Variants in CYP2B6 observed in about 807,000 individuals in gnomAD.
The protein encoded by CYP2B6 is cytochrome P450 family 2 subfamily B member 6.
Under a neutral mutation model 43.4 loss-of-function variants are expected in CYP2B6, and 35 were observed. The ratio of observed to expected loss-of-function variants is 0.81; its 90% CI spans 0.62 to 1.07. CYP2B6 has a LOEUF of 1.07. CYP2B6 is among the 50% of genes least tolerant of loss of function. The pLI is 0.00. For synonymous variants in CYP2B6, 239 were observed against 239.2 expected (o/e 1.00, Z 0.01); for missense variants, 624 against 632.8 (o/e 0.99, Z 0.15).
Position 41,010,278 on chromosome 19 carries a change from C to T in CYP2B6, c.964+143C>T, listed in dbSNP as rs186924306. ...TGTAGGCTCTGGGCTAGATTCCAAC[C>T]AAGCCAATTCTGTTGGTGGATGCAT... On this transcript the variant is annotated intron_variant, in intron 6 of 8. Transcript: ENST00000324071. 30 of 925,656 alleles carry T rather than the reference C, an allele frequency of 3.2e-5. No homozygotes were observed. The African/African-American group carries it at 4.1e-4, about 13-fold the overall frequency. 57.3% of individuals were successfully genotyped at this position (925,656 alleles called of 1,614,324 possible). A position where few individuals can be genotyped will look rare whatever the true frequency, so the allele number is the denominator to read the frequency against.
chr19:41,003,939 T>C (rs939968536), intron 1 of CYP2B6, 62 bp from the exon 2 acceptor site: 7 of 1,575,616 alleles, frequency 4.4e-6, no homozygotes, highest in Admixed American at 1.7e-5. Context: ...AGTATTTTGA[T>C]AGTTTTACAA....
At chr19:40,999,614 CA>C (rs1969050750) in intron 1 of CYP2B6, among the ~76,000 whole-genome samples, 1 of 152,036 alleles carries the variant, frequency 6.6e-6, no homozygotes, top group South Asian at 2.1e-4. Flanking sequence ...AATGAGTTTT[CA>C]AAAGGATCTT....
At chr19:40,996,678 A>T (rs904471640) in intron 1 of CYP2B6, among the ~76,000 whole-genome samples, 1 of 152,166 alleles carries the variant, frequency 6.6e-6, no homozygotes, top group Non-Finnish European at 1.5e-5. Context: ...TCTCTCTTCT[A>T]TGATGAGTCA....
chr19:41,003,616 C>G lies in CYP2B6; in HGVS notation c.172-385C>G, dbSNP rs553859497. Among the ~76,000 whole-genome samples the G allele has an allele frequency of 2.6e-3, 397 of 152,242 alleles. 1 individual carries two copies. The highest frequency in any genetic ancestry group is 4.3e-3 in the Non-Finnish European group (293 of 68,028). On this transcript the variant is annotated intron_variant, in intron 1 of 8. Transcript: ENST00000324071. ...AGGGCACAAGCCAATCAGAGCAGAC[C>G]CTGGCTGGGCCACCCATTAACCTAA... is the stretch of plus-strand genomic sequence containing the variant.
intron 4 of CYP2B6, among the ~76,000 whole-genome samples, chr19:41,008,076 C>T (rs1343317987): frequency 6.6e-6 from 1 of 151,838 alleles, no homozygotes; most frequent in Non-Finnish European, 1.5e-5. Flanking sequence ...TAACTTTCCC[C>T]AGATTGTAAA....
In CYP2B6 at chr19:41,016,696, T is replaced by G. The variant is rs1229063094; in HGVS notation, c.1345T>G (p.Phe449Val). The stretch of plus-strand genomic sequence containing the variant: ...CATCGCCCGTGCGGAATTGTTCCTC[T>G]TCTTCACCACCATCCTCCAGAACTT... ...EGIARAELFL[F>V]FTTILQNFSM... Residue 449 changes from phenylalanine to valine, a missense_variant, in exon 9 of 9, where the codon TTC (phenylalanine) becomes GTC (valine). Phe to Val is a conservative substitution (Grantham distance 50). Coordinates refer to ENST00000324071, the MANE Select transcript of CYP2B6 (RefSeq NM_000767.5). 1 of 1,614,228 alleles carries G rather than the reference T, an allele frequency of 6.2e-7. No individual in the cohort carries two copies. The highest frequency in any genetic ancestry group is 1.7e-5 in the Admixed American group (1 of 60,034).
chr19:41,006,122 G>C (rs944084662), intron 3 of CYP2B6, among the ~76,000 whole-genome samples: 26 of 151,998 alleles, frequency 1.7e-4, no homozygotes, highest in Non-Finnish European at 3.8e-4. Context: ...GAGATTAAGG[G>C]GGAGTAATAG....
At chr19:41,002,844 G>A (rs1002752537) in intron 1 of CYP2B6, among the ~76,000 whole-genome samples, 1 of 152,164 alleles carries the variant, frequency 6.6e-6, no homozygotes, top group African/African-American at 2.4e-5. Flanking sequence ...ACCACGCCTG[G>A]CCCTGTGTTT....
rs1402857387 is a variant in CYP2B6 at position 41,004,068 on chromosome 19, G to T, written c.239G>T (p.Gly80Val). 3 of 1,613,946 alleles carry T rather than the reference G, an allele frequency of 1.9e-6. No homozygotes were observed. Among genetic ancestry groups the T allele is most frequent in the Non-Finnish European group, 2.5e-6 (3 of 1,180,000 alleles). Residue 80 changes from glycine to valine, a missense_variant, in exon 2 of 9, where the codon GGA becomes GTA. Physicochemically the swap from Gly to Val is moderately radical, Grantham distance 109. Coordinates refer to ENST00000324071, the MANE Select transcript of CYP2B6 (RefSeq NM_000767.5). ...LGPRPVVMLC[G>V]VEAIREALVD... ...CCGAGGCCCGTGGTCATGCTGTGTG[G>T]AGTAGAGGCCATACGGGAGGCCCTT...
In CYP2B6 at chr19:41,006,993, A is replaced by G. The variant is rs1325358309; in HGVS notation, c.573A>G (p.Gln191=). The G allele has an allele frequency of 3.7e-6, 6 of 1,613,934 alleles. No individual in the cohort carries two copies. The highest frequency in any genetic ancestry group is 5.1e-6 in the Non-Finnish European group (6 of 1,180,028). Residue 191 remains glutamine (Q), a synonymous_variant, in exon 4 of 9, where the codon CAA becomes CAG. Transcript: ENST00000324071. The part of the protein sequence containing the change: ...SIVFGKRFHY[Q]DQEFLKMLNL... ...TCTTTGGAAAACGATTCCACTACCA[A>G]GATCAAGAGTTCCTGAAGATGCTGA...
intron 1 of CYP2B6, among the ~76,000 whole-genome samples, chr19:40,999,668 G>C (rs954040307): frequency 6.6e-6 from 1 of 152,060 alleles, no homozygotes; most frequent in Admixed American, 6.6e-5. Context: ...GGCTTGTCTG[G>C]AATGATATTA....
intron 4 of CYP2B6, among the ~76,000 whole-genome samples, chr19:41,008,798 AC>A (rs1969233717): frequency 6.6e-6 from 1 of 152,182 alleles, no homozygotes; most frequent in Non-Finnish European, 1.5e-5. Context: ...CGTAGTCCTA[AC>A]ATGTCAGCAG....
chr19:41,014,267 A>G (rs1030540768), intron 8 of CYP2B6, among the ~76,000 whole-genome samples: 170 of 151,478 alleles, frequency 1.1e-3, no homozygotes, highest in African/African-American at 4.0e-3. Flanking sequence ...GATGGCTTGA[A>G]TGTCAATGTC....
At chr19:40,995,820 G>A (rs1489829011) in intron 1 of CYP2B6, among the ~76,000 whole-genome samples, 7 of 152,052 alleles carry the variant, frequency 4.6e-5, no homozygotes, top group Admixed American at 1.3e-4. Flanking sequence ...ATACTGTTGC[G>A]GGACAATCAA....
At chr19:41,010,871 A>G (rs1473271439) in intron 6 of CYP2B6, among the ~76,000 whole-genome samples, 2 of 151,982 alleles carry the variant, frequency 1.3e-5, no homozygotes, top group Non-Finnish European at 2.9e-5. Flanking sequence ...TGTAGCACTC[A>G]CTCATGAGTG....
intron 6 of CYP2B6, among the ~76,000 whole-genome samples, chr19:41,011,633 A>G (rs766301037): frequency 2.0e-5 from 3 of 152,206 alleles, no homozygotes; most frequent in Non-Finnish European, 2.9e-5. Flanking sequence ...TATATTATAA[A>G]CACAATAAAT....
chr19:41,013,993 A>G (rs1213605180), intron 8 of CYP2B6, among the ~76,000 whole-genome samples: 1 of 152,216 alleles, frequency 6.6e-6, no homozygotes, highest in East Asian at 1.9e-4. Flanking sequence ...CTGATTGTCC[A>G]AGGTTACTTG....
rs1204051704 is a variant in CYP2B6, at chr19:41,016,861, G to T, written c.*34G>T. ...AGGGAAGGGGGTCAAAGGATTCCAG[G>T]GTCATTCAGTGTCCCCGCCTCTGTA... On this transcript the variant is annotated 3_prime_UTR_variant, in exon 9 of 9. Transcript: ENST00000324071. The T allele has an allele frequency of 1.3e-5, 20 of 1,591,026 alleles. No homozygotes were observed. The highest frequency in any genetic ancestry group is 1.5e-5 in the Non-Finnish European group (18 of 1,166,044).
At chr19:41,006,091 G>A (rs1969178791) in intron 3 of CYP2B6, among the ~76,000 whole-genome samples, 1 of 152,062 alleles carries the variant, frequency 6.6e-6, no homozygotes, top group Non-Finnish European at 1.5e-5. Flanking sequence ...GAAGACTGGA[G>A]AGCCCTAGAT....
Sources: gnomAD v4.1 joint callset for allele counts (sites outside exome capture counted in the v4.1 genomes callset) on GRCh38, gnomAD v4.1.1 for gene constraint, MANE v1.5 for transcripts, NCBI Gene and HGNC (gene_info 2026-07-23, HGNC 2026-07-21) for gene names.